The following SLC4A4 variants were observed in gnomAD, a reference collection of about 807,000 sequenced individuals.
SLC4A4 encodes the protein electrogenic sodium bicarbonate cotransporter 1.
A neutral mutation model predicts 111.5 loss-of-function variants in SLC4A4; 27 were observed. That is an observed-to-expected ratio of 0.24 (90% CI 0.18 to 0.33). SLC4A4 has a LOEUF of 0.33. Ranked by LOEUF, SLC4A4 falls within the 10% of genes least tolerant of loss-of-function variation. The pLI, the probability that SLC4A4 is intolerant of heterozygous loss-of-function variation, is 1.00. For missense variants in SLC4A4, 909 were observed against 1,315.5 expected (o/e 0.69, Z 4.78); for synonymous variants, 443 against 463.4 (o/e 0.96, Z 0.57).
At chr4:71,082,403 A>G (rs1296696587) in intron 1 of SLC4A4, among the ~76,000 whole-genome samples, 2 of 151,706 alleles carry the variant, frequency 1.3e-5, no homozygotes, top group Admixed American at 6.6e-5. Context: ...TCTCAACTTA[A>G]CCATTACTTT....
At chr4:71,304,443 T>C (rs1725527526) in intron 3 of SLC4A4, among the ~76,000 whole-genome samples, 1 of 152,166 alleles carries the variant, frequency 6.6e-6, no homozygotes, top group Admixed American at 6.5e-5. Context: ...CTTTCCGCCA[T>C]CTTTTTGTTT....
intron 2 of SLC4A4, among the ~76,000 whole-genome samples, chr4:71,176,550 G>T (rs758261156): frequency 2.0e-5 from 3 of 152,220 alleles, no homozygotes; most frequent in Non-Finnish European, 4.4e-5. Context: ...CTCAGTAGCC[G>T]ATTTGATCAA....
intron 2 of SLC4A4, among the ~76,000 whole-genome samples, chr4:71,168,042 G>C (rs1744829612): frequency 1.3e-5 from 2 of 151,616 alleles, no homozygotes; most frequent in Admixed American, 6.6e-5. Flanking sequence ...TGAATACATA[G>C]TAGGTGTATA....
intron 7 of SLC4A4, among the ~76,000 whole-genome samples, chr4:71,415,125 T>A (rs1177383759): frequency 1.3e-5 from 2 of 152,212 alleles, no homozygotes; most frequent in Non-Finnish European, 2.9e-5. Context: ...CTTCTCAAGC[T>A]AAAATGCATG....
At chr4:71,462,774 G>C (rs1237309221) in intron 12 of SLC4A4, among the ~76,000 whole-genome samples, 1 of 152,058 alleles carries the variant, frequency 6.6e-6, no homozygotes, top group East Asian at 1.9e-4. Flanking sequence ...GTTTTTATCA[G>C]TCAGAGACTA....
chr4:71,330,058 T>C (rs1427250241), intron 3 of SLC4A4, among the ~76,000 whole-genome samples: 2 of 152,250 alleles, frequency 1.3e-5, no homozygotes, highest in African/African-American at 4.8e-5. Context: ...TCAGCATCAA[T>C]TGAAATGATC....
intron 7 of SLC4A4, among the ~76,000 whole-genome samples, chr4:71,415,904 C>G (rs1394482222): frequency 6.6e-6 from 1 of 152,192 alleles, no homozygotes; most frequent in African/African-American, 2.4e-5. Flanking sequence ...TGCATAAATA[C>G]TTTCAAAGAT....
chr4:71,488,928 G>GTGTGT (rs1307362984), intron 15 of SLC4A4, among the ~76,000 whole-genome samples: 8 of 147,816 alleles, frequency 5.4e-5, no homozygotes, highest in East Asian at 2.0e-4. Flanking sequence ...GTGTGTGTGT[G>GTGTGT]GTCATGAAGG....
intron 3 of SLC4A4, among the ~76,000 whole-genome samples, chr4:71,298,615 A>T (rs1724985711): frequency 6.6e-6 from 1 of 152,226 alleles, no homozygotes; most frequent in Non-Finnish European, 1.5e-5. Flanking sequence ...TCCTTTGCTT[A>T]CACAGTCAAC....
intron 6 of SLC4A4, among the ~76,000 whole-genome samples, chr4:71,387,365 A>G (rs565099015): frequency 2.0e-5 from 3 of 152,184 alleles, no homozygotes; most frequent in African/African-American, 7.2e-5. Flanking sequence ...GTGGCTTTAT[A>G]CTTTTGTAAA....
At chr4:71,165,827 A>C (rs948266102) in intron 2 of SLC4A4, among the ~76,000 whole-genome samples, 2 of 152,170 alleles carry the variant, frequency 1.3e-5, no homozygotes, top group African/African-American at 4.8e-5. Flanking sequence ...GGCAGCTGGA[A>C]CATTCTAAGG....
At chr4:71,301,044 G>A in intron 3 of SLC4A4, 1 of 416,222 alleles carries the variant, frequency 2.4e-6, no homozygotes. Flanking sequence ...GGGAGAAGGT[G>A]CTTAACAGTA....
intron 3 of SLC4A4, among the ~76,000 whole-genome samples, chr4:71,331,271 CA>C (rs1448804115): frequency 3.3e-5 from 5 of 152,152 alleles, no homozygotes; most frequent in Non-Finnish European, 7.3e-5. Context: ...GCTATAAAGA[CA>C]CATGCACACG....
chr4:71,135,028 G>A (rs961206710), intron 2 of SLC4A4, among the ~76,000 whole-genome samples: 2 of 152,252 alleles, frequency 1.3e-5, no homozygotes, highest in African/African-American at 2.4e-5. Context: ...TGAGTCCATC[G>A]CTGGGCTCCG....
At chr4:71,514,462 C>A (rs563411394) in intron 16 of SLC4A4, among the ~76,000 whole-genome samples, 1 of 152,294 alleles carries the variant, frequency 6.6e-6, no homozygotes, top group South Asian at 2.1e-4. Flanking sequence ...AATTAAAATT[C>A]TTTTCTTTAT....
intron 7 of SLC4A4, among the ~76,000 whole-genome samples, chr4:71,404,260 A>G (rs1475314442): frequency 6.6e-6 from 1 of 152,142 alleles, no homozygotes; most frequent in East Asian, 1.9e-4. Context: ...TGAAAGCTTC[A>G]CTGGAGTCCT....
chr4:71,307,862 A>G (rs1343586930), intron 3 of SLC4A4, among the ~76,000 whole-genome samples: 1 of 152,166 alleles, frequency 6.6e-6, no homozygotes, highest in Non-Finnish European at 1.5e-5. Flanking sequence ...GTCAGCTTGT[A>G]TAGGTGCCCA....
rs78627559 is a variant in SLC4A4 at position 71,476,465 on chromosome 4, A to G, written c.1903+3495A>G. On this transcript the variant is annotated intron_variant, in intron 14 of 25. Transcript: ENST00000264485. ...AACACTGGGACAGTATGTAACAGTG[A>G]ACCAGCAATTGCACAGATGGAGTCG... 5.6e-3 allele frequency among the ~76,000 whole-genome samples: 847 copies of G among 151,864 alleles called. 7 individuals are homozygous for G. Among genetic ancestry groups the G allele is most frequent in the African/African-American group, 0.019 (808 of 41,504 alleles).
intron 6 of SLC4A4, among the ~76,000 whole-genome samples, chr4:71,371,733 A>T (rs980538879): frequency 6.6e-6 from 1 of 152,096 alleles, no homozygotes; most frequent in South Asian, 2.1e-4. Flanking sequence ...CTGATGTTTC[A>T]TTGTCTTTAT....
Sources: allele counts gnomAD v4.1 joint callset (sites outside exome capture counted in the v4.1 genomes callset), GRCh38; gene constraint gnomAD v4.1.1; transcripts MANE v1.5; gene names NCBI Gene and HGNC (gene_info 2026-07-23, HGNC 2026-07-21).